H2BK1: variants seen among roughly 807,000 people sequenced by gnomAD.
H2BK1 encodes H2B.K variant histone 1.
At chr7:151,208,033 C>T in the H2BK1 span, 1 of 1,613,578 alleles carries the variant, frequency 6.2e-7, no homozygotes, top group Admixed American at 1.7e-5. Flanking sequence ...CACACGCCAG[C>T]TGCTCAAACA....
At chr7:151,208,640 T>A in the H2BK1 span, among the ~76,000 whole-genome samples, 4 of 152,270 alleles carry the variant, frequency 2.6e-5, no homozygotes, top group East Asian at 7.7e-4. Context: ...AAAACGTTTG[T>A]GCATATAACT....
the H2BK1 span, among the ~76,000 whole-genome samples, chr7:151,209,584 T>C: frequency 3.3e-5 from 5 of 152,198 alleles, no homozygotes; most frequent in African/African-American, 1.2e-4. Flanking sequence ...ATAGGGCACC[T>C]GCAGCCCCAG....
the H2BK1 span, chr7:151,210,222 A>T: frequency 3.3e-5 from 13 of 398,840 alleles, no homozygotes; most frequent in Non-Finnish European, 4.9e-5. Flanking sequence ...ATGGAGTAGG[A>T]CTCCTTGCGC....
chr7:151,208,619 A>C, the H2BK1 span, among the ~76,000 whole-genome samples: 1 of 152,120 alleles, frequency 6.6e-6, no homozygotes, highest in Non-Finnish European at 1.5e-5. Flanking sequence ...CAGAGGCGGG[A>C]CTGTAGTGTC....
chr7:151,208,350 T>C, the H2BK1 span, among the ~76,000 whole-genome samples: 2 of 152,244 alleles, frequency 1.3e-5, no homozygotes, highest in Admixed American at 6.5e-5. Context: ...GGAGGTAACA[T>C]GATTAAGCTC....
chr7:151,207,992 C>G, the H2BK1 span: 8 of 1,528,974 alleles, frequency 5.2e-6, no homozygotes, highest in Non-Finnish European at 7.3e-6. Context: ...CAGGGTGGTC[C>G]GGCCCGAGTA....
chr7:151,208,215 G>A, the H2BK1 span: 1 of 1,115,656 alleles, frequency 9.0e-7, no homozygotes, highest in Non-Finnish European at 1.3e-6. Flanking sequence ...GAAGCCAGAG[G>A]CAGAAGGCAA....
At chr7:151,208,030 C>T in the H2BK1 span, 1 of 1,612,692 alleles carries the variant, frequency 6.2e-7, no homozygotes, top group African/African-American at 1.3e-5. Context: ...CCTCACACGC[C>T]AGCTGCTCAA....
chr7:151,208,237 A>C, the H2BK1 span: 1 of 798,074 alleles, frequency 1.3e-6, no homozygotes. Context: ...GAGGCTCCTC[A>C]CCAGCCCCTT....
the H2BK1 span, among the ~76,000 whole-genome samples, chr7:151,209,114 C>T: frequency 1.3e-5 from 2 of 152,076 alleles, no homozygotes; most frequent in African/African-American, 2.4e-5. Flanking sequence ...GAGGGGTTGG[C>T]CCTCAGCAGC....
chr7:151,209,184 A>G, the H2BK1 span, among the ~76,000 whole-genome samples: 1 of 151,932 alleles, frequency 6.6e-6, no homozygotes, highest in East Asian at 1.9e-4. Context: ...TGCCCCTCAA[A>G]GTCGGGCTAA....
At chr7:151,208,415 G>C in the H2BK1 span, among the ~76,000 whole-genome samples, 3 of 152,370 alleles carry the variant, frequency 2.0e-5, no homozygotes, top group Admixed American at 6.5e-5. Context: ...AGTTACACAT[G>C]CATCTTGCTG....
At chr7:151,208,026 A>G in the H2BK1 span, 2 of 1,610,788 alleles carry the variant, frequency 1.2e-6, no homozygotes, top group Non-Finnish European at 1.7e-6. Context: ...GCAGCCTCAC[A>G]CGCCAGCTGC....
the H2BK1 span, chr7:151,207,989 G>A: frequency 6.6e-7 from 1 of 1,522,374 alleles, no homozygotes; most frequent in Non-Finnish European, 9.1e-7. Context: ...TGTCAGGGTG[G>A]TCCGGCCCGA....
chr7:151,208,048 G>A, the H2BK1 span: 79 of 1,613,876 alleles, frequency 4.9e-5, 1 homozygote, highest in East Asian at 2.5e-4. Context: ...CAAACACGTC[G>A]TTTACAAACG....
chr7:151,210,384 C>G, the H2BK1 span: 7 of 392,406 alleles, frequency 1.8e-5, no homozygotes, highest in Admixed American at 1.4e-4. Flanking sequence ...TCAGCTGCCC[C>G]ACCAGGTGTG....
chr7:151,208,462 G>A, the H2BK1 span, among the ~76,000 whole-genome samples: 1 of 152,308 alleles, frequency 6.6e-6, no homozygotes, highest in South Asian at 2.1e-4. Flanking sequence ...TCCACGGTAT[G>A]GATGTATCAT....
the H2BK1 span, chr7:151,208,058 G>A: frequency 9.3e-6 from 15 of 1,614,174 alleles, no homozygotes; most frequent in East Asian, 2.2e-5. Flanking sequence ...GTTTACAAAC[G>A]AGTTCATGAT....
chr7:151,209,881 T>G, the H2BK1 span, among the ~76,000 whole-genome samples: 1 of 152,218 alleles, frequency 6.6e-6, no homozygotes. Flanking sequence ...ACCTTCAGCC[T>G]GGCATAGAAA....
Sources: gnomAD v4.1 joint callset for allele counts (sites outside exome capture counted in the v4.1 genomes callset) on GRCh38, gnomAD v4.1.1 for gene constraint, MANE v1.5 for transcripts, NCBI Gene and HGNC (gene_info 2026-07-23, HGNC 2026-07-21) for gene names.